DIABLO: variants seen among roughly 807,000 people sequenced by gnomAD.
DIABLO encodes the protein diablo homolog, mitochondrial.
DIABLO carries 32 observed loss-of-function variants against 31.7 expected under a neutral mutation model. The ratio of observed to expected loss-of-function variants is 1.01; its 90% CI spans 0.76 to 1.35. The LOEUF (loss-of-function observed/expected upper bound fraction) is 1.35. DIABLO is among the 40% of genes most tolerant of loss of function. The probability of loss-of-function intolerance (pLI) is 0.00; values close to 1 mark genes in which losing one functional copy is unlikely to be tolerated. For missense variants in DIABLO, 316 were observed against 286.4 expected, an observed-to-expected ratio of 1.10 and a Z score of -0.75; for synonymous variants, 132 against 103.2, an observed-to-expected ratio of 1.28 and a Z score of -1.69.
At chr12:122,227,156 G>A (rs1169661586), upstream of DIABLO, among the ~76,000 whole-genome samples, 1 of 152,174 alleles carries the variant, frequency 6.6e-6, no homozygotes, top group African/African-American at 2.4e-5. Flanking sequence ...GCATCAATCC[G>A]ATCCTGGGCT....
upstream of DIABLO, chr12:122,226,284 T>G (rs888880542): frequency 3.0e-6 from 2 of 677,256 alleles, no homozygotes; most frequent in Non-Finnish European, 5.3e-6. Flanking sequence ...GGCGCGGAGC[T>G]GAGTCGGGCG....
At chr12:122,215,791 C>A (rs1195151398) in intron 5 of DIABLO, among the ~76,000 whole-genome samples, 3 of 149,082 alleles carry the variant, frequency 2.0e-5, no homozygotes, top group Non-Finnish European at 4.4e-5. Context: ...AATCCCAGCA[C>A]TTTGGGAGGC....
chr12:122,216,147 C>T (rs1264543507), intron 5 of DIABLO, among the ~76,000 whole-genome samples: 1 of 152,122 alleles, frequency 6.6e-6, no homozygotes, highest in Non-Finnish European at 1.5e-5. Context: ...CAAGTCTCAG[C>T]CAACGGTGTA....
intron 2 of DIABLO, chr12:122,222,547 G>A (rs541962902): frequency 6.9e-6 from 1 of 145,480 alleles, no homozygotes; most frequent in East Asian, 2.0e-4. Flanking sequence ...AGCTTCCTGG[G>A]CAACAGAGCG....
At chr12:122,224,749 C>T in intron 1 of DIABLO, 105 bp from the exon 2 acceptor site, 1 of 1,609,604 alleles carries the variant, frequency 6.2e-7, no homozygotes, top group African/African-American at 1.3e-5. Flanking sequence ...AAGCAGGAAC[C>T]TAAATGAGGA....
In DIABLO at chr12:122,208,055, A is replaced by T; in HGVS notation, c.*326T>A. 1.8e-6 allele frequency: 1 copy of T among 564,898 alleles called. No individual in the cohort carries two copies. The highest frequency in any genetic ancestry group is 3.3e-6 in the Non-Finnish European group (1 of 299,362). 35.0% of individuals were successfully genotyped at this position (564,898 alleles called of 1,614,324 possible). A position where few individuals can be genotyped will look rare whatever the true frequency, so the allele number is the denominator to read the frequency against. ...AACAGGTTAAACAGTTGCTGAACTT[A>T]AGGGCATGACAAAAAGGACTCCTCT... On this transcript the variant is annotated 3_prime_UTR_variant, in exon 6 of 6. Coordinates refer to ENST00000464942, the MANE Select transcript of DIABLO (RefSeq NM_001371333.1).
chr12:122,225,490 G>C (rs1433080663), intron 1 of DIABLO: 1 of 1,026,700 alleles, frequency 9.7e-7, no homozygotes, highest in Non-Finnish European at 1.2e-6. Context: ...CCCTGGCCTG[G>C]GTGCCAGTTG....
At chr12:122,220,147 T>C (rs1206247279) in intron 2 of DIABLO, among the ~76,000 whole-genome samples, 2 of 152,042 alleles carry the variant, frequency 1.3e-5, no homozygotes, top group Non-Finnish European at 1.5e-5. Flanking sequence ...GGTTTCATCA[T>C]GTTGCCCAGG....
chr12:122,209,941 G>A (rs182725459), intron 5 of DIABLO: 58 of 624,532 alleles, frequency 9.3e-5, no homozygotes, highest in African/African-American at 5.8e-4. Context: ...ACTTAGATTC[G>A]AATCATAAAT....
upstream of DIABLO, chr12:122,226,147 G>A (rs1593185737): frequency 7.5e-7 from 1 of 1,329,516 alleles, no homozygotes; most frequent in East Asian, 2.5e-5. Context: ...AGTCGGGATT[G>A]GGCAGGCAGG....
At chr12:122,222,996 G>C (rs942390075) in intron 2 of DIABLO, among the ~76,000 whole-genome samples, 1 of 151,830 alleles carries the variant, frequency 6.6e-6, no homozygotes, top group Non-Finnish European at 1.5e-5. Context: ...ACTACGTTGA[G>C]CTAAATTCTC....
chr12:122,210,152 G>A (rs1954049223), intron 5 of DIABLO, among the ~76,000 whole-genome samples: 1 of 152,098 alleles, frequency 6.6e-6, no homozygotes, highest in South Asian at 2.1e-4. Flanking sequence ...GTGATACTGA[G>A]CTTTTCGTTT....
chr12:122,226,281 A>G (rs1313452962), upstream of DIABLO: 5 of 683,624 alleles, frequency 7.3e-6, no homozygotes, highest in Non-Finnish European at 1.3e-5. Flanking sequence ...TCCGGCGCGG[A>G]GCTGAGTCGG....
chr12:122,226,956 G>T (rs1566032147), upstream of DIABLO, among the ~76,000 whole-genome samples: 1 of 152,210 alleles, frequency 6.6e-6, no homozygotes, highest in Non-Finnish European at 1.5e-5. Context: ...CCCCAGCTGC[G>T]GCCCTGGCTG....
In DIABLO at chr12:122,207,765, A is replaced by C; in HGVS notation, c.*616T>G. On this transcript the variant is annotated 3_prime_UTR_variant, in exon 6 of 6. Coordinates refer to ENST00000464942, the MANE Select transcript of DIABLO (RefSeq NM_001371333.1). The stretch of plus-strand genomic sequence containing the variant: ...AAACGGAAAGAAAGGAAGGAACAAG[A>C]GGCCTGTGTTAAGTCCTGTTGATGT... 2.1e-6 allele frequency: 1 copy of C among 477,432 alleles called. No individual in the cohort carries two copies. The highest frequency in any genetic ancestry group is 4.1e-6 in the Non-Finnish European group (1 of 242,942). The allele number at this position is 477,432 out of a possible 1,614,324, so 29.6% of individuals were successfully genotyped here.
intron 2 of DIABLO, chr12:122,222,225 A>G (rs191880147): frequency 7.3e-5 from 11 of 149,992 alleles, no homozygotes; most frequent in African/African-American, 2.7e-4. Context: ...ACATTTCCAA[A>G]AAATTTTTTT....
At chr12:122,224,426 T>G in intron 2 of DIABLO, 86 bp downstream of exon 2, 1 of 1,607,270 alleles carries the variant, frequency 6.2e-7, no homozygotes, top group Non-Finnish European at 8.5e-7. Flanking sequence ...GGAAAAACTA[T>G]GGTAGCTTGT....
At chr12:122,208,897 C>A in intron 5 of DIABLO, 1 of 409,478 alleles carries the variant, frequency 2.4e-6, no homozygotes, top group South Asian at 2.0e-5. Flanking sequence ...AACTACACAT[C>A]TTCCATTTCT....
intron 5 of DIABLO, 46 bp from the exon 6 acceptor site, chr12:122,208,623 G>A (rs200309542): frequency 1.8e-5 from 28 of 1,591,608 alleles, no homozygotes; most frequent in African/African-American, 1.1e-4. Flanking sequence ...TGCAGGGCGC[G>A]GAAGGCTCAT....
Sources: gnomAD v4.1 joint callset for allele counts (sites outside exome capture counted in the v4.1 genomes callset) on GRCh38, gnomAD v4.1.1 for gene constraint, MANE v1.5 for transcripts, NCBI Gene and HGNC (gene_info 2026-07-23, HGNC 2026-07-21) for gene names.